Variants in GULP1 observed in about 807,000 individuals in gnomAD.
GULP1 encodes GULP PTB domain containing engulfment adaptor 1, also known as PTB domain-containing engulfment adapter protein 1.
GULP1 carries 19 observed loss-of-function variants against 40.9 expected under a neutral mutation model. That is an observed-to-expected ratio of 0.46 (90% CI 0.32 to 0.68). The LOEUF (loss-of-function observed/expected upper bound fraction) is 0.68. Among genes scored for constraint, GULP1 ranks in the 30% least tolerant of loss-of-function variants. GULP1 has a pLI of 0.03. For synonymous variants in GULP1, 119 were observed against 117.6 expected (o/e 1.01, Z -0.08); for missense variants, 312 against 362.2 (o/e 0.86, Z 1.12).
At chr2:188,532,399 T>C (rs1687782760) in intron 6 of GULP1, among the ~76,000 whole-genome samples, 1 of 152,172 alleles carries the variant, frequency 6.6e-6, no homozygotes, top group Non-Finnish European at 1.5e-5. Context: ...CTTAAAGCGC[T>C]ACAAGATGGC....
At chr2:188,378,103 G>A (rs1050775526) in intron 1 of GULP1, among the ~76,000 whole-genome samples, 3 of 151,996 alleles carry the variant, frequency 2.0e-5, no homozygotes, top group South Asian at 2.1e-4. Context: ...CTTTGTAATC[G>A]TTTATTTCTC....
At chr2:188,432,664 GA>G (rs948496292) in intron 2 of GULP1, among the ~76,000 whole-genome samples, 40 of 151,674 alleles carry the variant, frequency 2.6e-4, no homozygotes, top group African/African-American at 9.2e-4. Context: ...AATAAATTCA[GA>G]AAAAAATGTA....
chr2:188,360,412 C>T (rs1052268303), intron 1 of GULP1, among the ~76,000 whole-genome samples: 2 of 151,958 alleles, frequency 1.3e-5, no homozygotes, highest in African/African-American at 4.8e-5. Context: ...AAATTTCCTC[C>T]AATGGCTGAA....
At chr2:188,585,132 A>T (rs1168209446) in intron 10 of GULP1, among the ~76,000 whole-genome samples, 1 of 152,054 alleles carries the variant, frequency 6.6e-6, no homozygotes, top group East Asian at 1.9e-4. Context: ...AAAGCTCCAA[A>T]ATTATCTCAT....
At chr2:188,361,403 G>A (rs900823290) in intron 1 of GULP1, among the ~76,000 whole-genome samples, 4 of 151,950 alleles carry the variant, frequency 2.6e-5, no homozygotes, top group Admixed American at 1.3e-4. Flanking sequence ...AATGGGTGGG[G>A]CAGGGGAGGC....
intron 1 of GULP1, among the ~76,000 whole-genome samples, chr2:188,328,832 T>C (rs974255058): frequency 6.6e-6 from 1 of 152,168 alleles, no homozygotes; most frequent in African/African-American, 2.4e-5. Flanking sequence ...TTATTCATGA[T>C]GAATATGAGT....
At chr2:188,552,220 G>T (rs1332691376) in intron 7 of GULP1, among the ~76,000 whole-genome samples, 1 of 151,536 alleles carries the variant, frequency 6.6e-6, no homozygotes, top group Non-Finnish European at 1.5e-5. Flanking sequence ...GTACTTTTGA[G>T]ATCTTAGTCA....
At chr2:188,314,751 G>C (rs1485984046) in intron 1 of GULP1, among the ~76,000 whole-genome samples, 1 of 152,108 alleles carries the variant, frequency 6.6e-6, no homozygotes, top group Non-Finnish European at 1.5e-5. Context: ...GTCAATTGTG[G>C]TTGGAAAATA....
chr2:188,486,500 T>G (rs752012206), intron 4 of GULP1, among the ~76,000 whole-genome samples: 1 of 152,030 alleles, frequency 6.6e-6, no homozygotes, highest in Non-Finnish European at 1.5e-5. Flanking sequence ...AGAATTATTA[T>G]TCTCCCTGGA....
chr2:188,395,357 C>T (rs1026968283), intron 2 of GULP1, among the ~76,000 whole-genome samples: 2 of 152,202 alleles, frequency 1.3e-5, no homozygotes, highest in East Asian at 1.9e-4. Flanking sequence ...GTGCACTCCA[C>T]CTGTGGGGAT....
At chr2:188,461,417 C>G (rs114906283) in intron 2 of GULP1, among the ~76,000 whole-genome samples, 2,932 of 148,100 alleles carry the variant, frequency 0.02, 91 homozygotes, top group African/African-American at 0.069. Context: ...GCCTCCTAAA[C>G]TCAAGCAATT....
At chr2:188,330,605 A>C (rs2041434767) in intron 1 of GULP1, among the ~76,000 whole-genome samples, 1 of 152,190 alleles carries the variant, frequency 6.6e-6, no homozygotes, top group African/African-American at 2.4e-5. Context: ...TCTGTGATTT[A>C]TGTCTAACTT....
At chr2:188,296,712 G>C (rs528850241) in intron 1 of GULP1, among the ~76,000 whole-genome samples, 6 of 151,972 alleles carry the variant, frequency 3.9e-5, no homozygotes, top group Admixed American at 6.6e-5. Context: ...AGGAAGTTTT[G>C]AATAGCCTTG....
intron 6 of GULP1, among the ~76,000 whole-genome samples, chr2:188,537,412 G>A (rs1048480660): frequency 2.0e-5 from 3 of 151,942 alleles, no homozygotes; most frequent in East Asian, 1.9e-4. Context: ...GGATTTTTTC[G>A]AAGGCTTTTT....
At chr2:188,432,810 A>G (rs961397949) in intron 2 of GULP1, among the ~76,000 whole-genome samples, 10 of 152,082 alleles carry the variant, frequency 6.6e-5, no homozygotes, top group Admixed American at 1.3e-4. Context: ...TGAGTACTCT[A>G]TTTTCAAGCC....
intron 2 of GULP1, among the ~76,000 whole-genome samples, chr2:188,445,922 G>C (rs1378243174): frequency 6.6e-6 from 1 of 152,138 alleles, no homozygotes; most frequent in Non-Finnish European, 1.5e-5. Flanking sequence ...TTCAGCCTCT[G>C]TTGCAGGGAC....
chr2:188,582,649 T>C (rs747160738), intron 9 of GULP1: 3 of 395,612 alleles, frequency 7.6e-6, no homozygotes, highest in Non-Finnish European at 1.0e-5. Context: ...TGTAAAGTTA[T>C]CAAAAATTTA....
intron 2 of GULP1, among the ~76,000 whole-genome samples, chr2:188,426,158 A>G (rs7588114): frequency 0.053 from 8,108 of 152,230 alleles, 718 homozygotes; most frequent in African/African-American, 0.18. Flanking sequence ...CAGTGATGGC[A>G]GGGAGGGTGG....
chr2:188,516,689 C>T (rs566275713), intron 4 of GULP1, among the ~76,000 whole-genome samples: 5 of 152,290 alleles, frequency 3.3e-5, no homozygotes, highest in African/African-American at 7.2e-5. Flanking sequence ...CTGGGCCTCA[C>T]TCCCAGTTTC....
Sources: allele counts gnomAD v4.1 joint callset (sites outside exome capture counted in the v4.1 genomes callset), GRCh38; gene constraint gnomAD v4.1.1; transcripts MANE v1.5; gene names NCBI Gene and HGNC (gene_info 2026-07-23, HGNC 2026-07-21).